Variants in TMTC2 observed in about 807,000 individuals in gnomAD.
TMTC2 encodes protein O-mannosyl-transferase TMTC2.
In TMTC2, 43 loss-of-function variants were observed where a neutral mutation model predicts 82.4. That is an observed-to-expected ratio of 0.52 (90% confidence interval 0.41 to 0.67). TMTC2 has a LOEUF of 0.67. TMTC2 is among the 30% of genes least tolerant of loss of function. TMTC2 has a pLI of 0.00. For missense variants in TMTC2, 919 were observed against 1,012.4 expected (o/e 0.91, Z 1.25); for synonymous variants, 408 against 381.9 (o/e 1.07, Z -0.80).
At chr12:83,009,257 A>G (rs1215363457) in intron 8 of TMTC2, among the ~76,000 whole-genome samples, 1 of 152,134 alleles carries the variant, frequency 6.6e-6, no homozygotes, top group East Asian at 1.9e-4. Context: ...CATCACCAGG[A>G]GAGTGGGGGA....
intron 1 of TMTC2, among the ~76,000 whole-genome samples, chr12:82,802,484 A>G (rs1341708505): frequency 6.6e-6 from 1 of 152,190 alleles, no homozygotes; most frequent in Non-Finnish European, 1.5e-5. Context: ...GAGGACTGGG[A>G]GGGCTGCCAG....
At chr12:82,916,715 T>C (rs1875021938) in intron 3 of TMTC2, among the ~76,000 whole-genome samples, 2 of 150,286 alleles carry the variant, frequency 1.3e-5, no homozygotes, top group African/African-American at 4.9e-5. Context: ...CTGTCTAGAC[T>C]AACAGTGTTA....
intron 1 of TMTC2, among the ~76,000 whole-genome samples, chr12:82,806,261 CAA>C (rs1415176994): frequency 6.6e-6 from 1 of 151,730 alleles, no homozygotes; most frequent in Non-Finnish European, 1.5e-5. Flanking sequence ...TTTTTTAAGA[CAA>C]GAAAAAAAAT....
intron 8 of TMTC2, among the ~76,000 whole-genome samples, chr12:83,007,009 G>A (rs899818949): frequency 6.6e-6 from 1 of 151,944 alleles, no homozygotes; most frequent in Non-Finnish European, 1.5e-5. Context: ...GATGGGTGCT[G>A]CAAACCACCA....
At chr12:83,007,406 G>A (rs1419042699) in intron 8 of TMTC2, among the ~76,000 whole-genome samples, 1 of 151,752 alleles carries the variant, frequency 6.6e-6, no homozygotes, top group Non-Finnish European at 1.5e-5. Flanking sequence ...CATTTAATAT[G>A]ATTTTATTTC....
intron 11 of TMTC2, among the ~76,000 whole-genome samples, chr12:83,131,114 G>A (rs1457591647): frequency 6.6e-6 from 1 of 152,182 alleles, no homozygotes; most frequent in East Asian, 1.9e-4. Context: ...AGAATTGAAG[G>A]ACAATTAATA....
intron 9 of TMTC2, among the ~76,000 whole-genome samples, chr12:83,044,516 T>C (rs943132060): frequency 3.9e-5 from 6 of 152,136 alleles, no homozygotes; most frequent in African/African-American, 1.4e-4. Flanking sequence ...TCACTCAGAC[T>C]GCCGTTTTGA....
At chr12:83,037,724 C>T (rs1219266030) in intron 9 of TMTC2, among the ~76,000 whole-genome samples, 1 of 151,888 alleles carries the variant, frequency 6.6e-6, no homozygotes, top group Non-Finnish European at 1.5e-5. Context: ...ACATAAGATA[C>T]TTTCCAAAGG....
In TMTC2 at chr12:82,866,256, A is replaced by C. The variant is rs548841772; in HGVS notation, c.654+8676A>C. ...TTTTTGAAAAGATCAAAAAAAAAAA[A>C]AAAAAAACAAAAAACTTTCTTTCTC... is the stretch of plus-strand genomic sequence containing the variant. On this transcript the variant is annotated intron_variant, in intron 2 of 11. Transcript: ENST00000321196. 2.1e-3 allele frequency among the ~76,000 whole-genome samples: 323 copies of C among 151,942 alleles called. 5 individuals carry two copies. In the South Asian group the frequency reaches 0.033, roughly 15 times the overall value.
chr12:83,030,723 A>G lies in TMTC2; in HGVS notation c.2071-75A>G, dbSNP rs183447224. ...ATGATTACCAAGTAGACATTTGGCT[A>G]CTTCAGTTAGGCCCAGGCAGTGAAG... On this transcript the variant is annotated intron_variant, in intron 8 of 11. Transcript: ENST00000321196. 4.7e-3 allele frequency: 5,514 copies of G among 1,161,854 alleles called. 20 individuals are homozygous for G. Among genetic ancestry groups the G allele is most frequent in the Non-Finnish European group, 5.7e-3 (4,481 of 784,872 alleles). 72.0% of individuals were successfully genotyped at this position (1,161,854 alleles called of 1,614,324 possible). A position where few individuals can be genotyped will look rare whatever the true frequency, so the allele number is the denominator to read the frequency against.
At chr12:83,069,798 T>C (rs1259461453) in intron 11 of TMTC2, among the ~76,000 whole-genome samples, 2 of 151,998 alleles carry the variant, frequency 1.3e-5, no homozygotes, top group Admixed American at 6.6e-5. Flanking sequence ...CAATATTATC[T>C]TTTAGGATTT....
At chr12:82,891,831 C>A (rs944028529) in intron 2 of TMTC2, among the ~76,000 whole-genome samples, 3 of 152,168 alleles carry the variant, frequency 2.0e-5, no homozygotes, top group Non-Finnish European at 4.4e-5. Context: ...CTACTTTAAA[C>A]ATTTTAAAAT....
At chr12:82,886,461 A>T (rs1873103297) in intron 2 of TMTC2, among the ~76,000 whole-genome samples, 1 of 152,184 alleles carries the variant, frequency 6.6e-6, no homozygotes, top group African/African-American at 2.4e-5. Context: ...TTTCTGATGG[A>T]TGCTTGAACT....
intron 9 of TMTC2, among the ~76,000 whole-genome samples, chr12:83,035,257 G>A (rs1015159273): frequency 8.5e-5 from 13 of 152,154 alleles, no homozygotes; most frequent in Admixed American, 3.9e-4. Context: ...TTGTGTTTTT[G>A]TATCCACTAG....
chr12:82,992,240 T>C (rs1194505861), intron 8 of TMTC2, among the ~76,000 whole-genome samples: 1 of 152,208 alleles, frequency 6.6e-6, no homozygotes, highest in Non-Finnish European at 1.5e-5. Flanking sequence ...GGCCTTTTGC[T>C]ATTATTATTT....
intron 1 of TMTC2, among the ~76,000 whole-genome samples, chr12:82,780,577 A>G (rs1277573104): frequency 6.6e-6 from 1 of 152,160 alleles, no homozygotes; most frequent in Non-Finnish European, 1.5e-5. Flanking sequence ...GTTAGTTTGC[A>G]TGCTTCTTTG....
In TMTC2 at chr12:83,030,879, G is replaced by A; in HGVS notation, c.2152G>A (p.Gly718Ser). 6.2e-7 allele frequency: 1 copy of A among 1,610,664 alleles called. No individual in the cohort carries two copies. The highest frequency in any genetic ancestry group is 8.5e-7 in the Non-Finnish European group (1 of 1,177,116). The change falls in exon 9 of 12, where the codon GGT (glycine) becomes AGT (serine). Residue 718 changes from glycine to serine, a missense_variant and splice_region_variant. Transcript: ENST00000321196. ...CAAAGGAAACTGTTACATGCATTAT[G>A]GTGAGTGGTTGATAGTTTTTTTTCC... ...PTKGNCYMHYGQFLLEEARLI... is the reference protein window; with the variant it reads ...PTKGNCYMHYSQFLLEEARLI...
chr12:83,041,513 A>G (rs568757485), intron 9 of TMTC2, among the ~76,000 whole-genome samples: 3 of 152,330 alleles, frequency 2.0e-5, no homozygotes, highest in East Asian at 3.9e-4. Context: ...AATAAAAACA[A>G]TATCCTGGAG....
At position 82,924,383 on chromosome 12, in the gene TMTC2, A is replaced by T. The variant is rs563219919; in HGVS notation, c.1484-6048A>T. Among the ~76,000 whole-genome samples, 26 of 152,344 alleles carry T rather than the reference A, an allele frequency of 1.7e-4. No individual in the cohort carries two copies. The South Asian group carries it at 5.2e-3, about 30-fold the overall frequency. ...GGATGTTTGGTAGTTTGTGGGTTATACAGTGACGTTTTCCTTTTTTTGTGT... is the reference window on the plus strand; with the variant it reads ...GGATGTTTGGTAGTTTGTGGGTTATTCAGTGACGTTTTCCTTTTTTTGTGT... On this transcript the variant is annotated intron_variant, in intron 3 of 11. Coordinates refer to ENST00000321196, the MANE Select transcript of TMTC2 (RefSeq NM_152588.3).
Sources: gnomAD v4.1 joint callset for allele counts (sites outside exome capture counted in the v4.1 genomes callset) on GRCh38, gnomAD v4.1.1 for gene constraint, MANE v1.5 for transcripts, NCBI Gene and HGNC (gene_info 2026-07-23, HGNC 2026-07-21) for gene names.